Variants in SCD5 observed in about 807,000 individuals in gnomAD.
SCD5 encodes acyl-CoA-desaturase 4.
A neutral mutation model predicts 30.4 loss-of-function variants in SCD5; 20 were observed. The observed-to-expected ratio is 0.66, with a 90% CI of 0.46 to 0.96. The LOEUF is 0.96. SCD5 is among the 40% of genes least tolerant of loss of function. The pLI, the probability that SCD5 is intolerant of heterozygous loss-of-function variation, is 0.00. For missense variants in SCD5, 381 were observed against 443.3 expected, an observed-to-expected ratio of 0.86 and a Z score of 1.26; for synonymous variants, 173 against 176.4, an observed-to-expected ratio of 0.98 and a Z score of 0.16.
At position 82,654,718 on chromosome 4, in the gene SCD5, A is replaced by G. The variant is rs1195264949; in HGVS notation, c.570-17895T>C. Among the ~76,000 whole-genome samples, 3 of 152,176 alleles carry G rather than the reference A, an allele frequency of 2.0e-5. No individual in the cohort carries two copies. In the East Asian group the frequency reaches 5.8e-4, roughly 29 times the overall value. ...AGGTGGCTCCCAGTGGCACTCTGCA[A>G]CTTGTCTGGTCAATGTGATACTTCC... On this transcript the variant is annotated intron_variant, in intron 3 of 4. Coordinates refer to ENST00000319540, the MANE Select transcript of SCD5 (RefSeq NM_001037582.3).
chr4:82,771,121 C>T (rs564360599), intron 1 of SCD5, among the ~76,000 whole-genome samples: 1 of 152,152 alleles, frequency 6.6e-6, no homozygotes, highest in Non-Finnish European at 1.5e-5. Context: ...TGCGCACCAC[C>T]ATGCCTGGCT....
chr4:82,713,822 T>C (rs28608069), intron 1 of SCD5, among the ~76,000 whole-genome samples: 59,412 of 152,014 alleles, frequency 0.39, 12,240 homozygotes, highest in African/African-American at 0.51. Flanking sequence ...CTCCTAGACA[T>C]TGACCTCATA....
chr4:82,717,540 A>G (rs761429167), intron 1 of SCD5, among the ~76,000 whole-genome samples: 2 of 151,828 alleles, frequency 1.3e-5, no homozygotes, highest in Non-Finnish European at 2.9e-5. Context: ...TTAGAGGAAG[A>G]TGTGCATACA....
rs1384615578 is a variant in SCD5 at position 82,736,407 on chromosome 4, G to T, written c.233-30994C>A. On this transcript the variant is annotated intron_variant, in intron 1 of 4. Transcript: ENST00000319540. The stretch of plus-strand genomic sequence containing the variant: ...GTGGATCAGCCGAGGTCAGGAGTTC[G>T]AGACCAGCCTGGCCAACATGGTGAA... Among the ~76,000 whole-genome samples the T allele has an allele frequency of 2.0e-5, 3 of 151,870 alleles. No individual in the cohort carries two copies. The East Asian group carries it at 5.8e-4, about 29-fold the overall frequency.
At chr4:82,779,351 C>T (rs1721820922) in intron 1 of SCD5, among the ~76,000 whole-genome samples, 1 of 152,178 alleles carries the variant, frequency 6.6e-6, no homozygotes, top group Non-Finnish European at 1.5e-5. Context: ...CCAAGGACAG[C>T]ATGCAGCCTC....
intron 1 of SCD5, among the ~76,000 whole-genome samples, chr4:82,767,481 A>T (rs1055170946): frequency 1.3e-5 from 2 of 152,090 alleles, no homozygotes; most frequent in Non-Finnish European, 2.9e-5. Context: ...CCTTGTTTGC[A>T]TCTCCTTTCT....
At chr4:82,700,529 A>T (rs1225521975) in intron 2 of SCD5, among the ~76,000 whole-genome samples, 1 of 152,170 alleles carries the variant, frequency 6.6e-6, no homozygotes, top group Non-Finnish European at 1.5e-5. Flanking sequence ...GCAAGCAAGA[A>T]GAGAGTGAAA....
chr4:82,730,585 CTTT>C (rs397935360), intron 1 of SCD5, among the ~76,000 whole-genome samples: 1 of 114,660 alleles, frequency 8.7e-6, no homozygotes, highest in African/African-American at 3.6e-5. Context: ...TTTTTCCCTT[CTTT>C]TTTTTTTTTT....
rs6841081 is a variant in SCD5, at chr4:82,798,791, C to A, written c.-254G>T. On this transcript the variant is annotated 5_prime_UTR_variant, in exon 1 of 5. Coordinates refer to ENST00000319540, the MANE Select transcript of SCD5 (RefSeq NM_001037582.3). The stretch of plus-strand genomic sequence containing the variant: ...TATGGCTGCCCGGGCTGAACTCGGC[C>A]GCGAGAAAGAGGAGGCGCGCGCGGG... 13,297 of 425,022 alleles carry A rather than the reference C, an allele frequency of 0.031. 780 individuals carry two copies. The highest frequency in any genetic ancestry group is 0.17 in the African/African-American group (8,229 of 47,712). 26.3% of individuals were successfully genotyped at this position (425,022 alleles called of 1,614,324 possible).
At chr4:82,644,819 C>T (rs763297697) in intron 3 of SCD5, among the ~76,000 whole-genome samples, 2 of 152,190 alleles carry the variant, frequency 1.3e-5, no homozygotes, top group Non-Finnish European at 2.9e-5. Flanking sequence ...TTTCTACCCC[C>T]AGTTTAAATG....
Position 82,790,433 on chromosome 4 carries a change from C to A in SCD5, c.232+7873G>T, listed in dbSNP as rs540121915. Reference sequence around the variant, plus strand: ...ACCAGCCACGCTGAACAATTGAGTTCTTGAGCTGCCCTGCCCTGTCTCTCT... The same window carrying A: ...ACCAGCCACGCTGAACAATTGAGTTATTGAGCTGCCCTGCCCTGTCTCTCT... On this transcript the variant is annotated intron_variant, in intron 1 of 4. Coordinates refer to ENST00000319540, the MANE Select transcript of SCD5 (RefSeq NM_001037582.3). Among the ~76,000 whole-genome samples the A allele has an allele frequency of 2.6e-5, 4 of 152,290 alleles. No individual in the cohort carries two copies. The East Asian group carries it at 7.7e-4, about 29-fold the overall frequency.
intron 1 of SCD5, among the ~76,000 whole-genome samples, chr4:82,778,075 G>A (rs1180989365): frequency 6.6e-6 from 1 of 152,132 alleles, no homozygotes; most frequent in Non-Finnish European, 1.5e-5. Flanking sequence ...CAGGGACATG[G>A]ATGAAGCTGG....
chr4:82,676,772 G>A (rs1458078486), intron 3 of SCD5, among the ~76,000 whole-genome samples: 2 of 152,242 alleles, frequency 1.3e-5, no homozygotes, highest in Non-Finnish European at 2.9e-5. Context: ...ACCTAGGACA[G>A]GGGCCCTAGT....
At chr4:82,759,583 G>A (rs1027232360) in intron 1 of SCD5, among the ~76,000 whole-genome samples, 1 of 150,620 alleles carries the variant, frequency 6.6e-6, no homozygotes, top group African/African-American at 2.5e-5. Flanking sequence ...AGGAGCTAAG[G>A]CAGGCAGACC....
chr4:82,682,396 A>G (rs550761724), intron 2 of SCD5, among the ~76,000 whole-genome samples: 1 of 151,918 alleles, frequency 6.6e-6, no homozygotes, highest in Non-Finnish European at 1.5e-5. Context: ...TTTTTACACT[A>G]ATTTTTTTTT....
At chr4:82,775,608 T>G (rs538302270) in intron 1 of SCD5, 1 of 152,234 alleles carries the variant, frequency 6.6e-6, no homozygotes, top group Non-Finnish European at 1.5e-5. Context: ...TGTCTATAAT[T>G]CCAGCAGTTT....
chr4:82,781,170 T>C (rs1450824605), intron 1 of SCD5, among the ~76,000 whole-genome samples: 1 of 152,098 alleles, frequency 6.6e-6, no homozygotes, highest in Non-Finnish European at 1.5e-5. Flanking sequence ...ATCCTAGCAC[T>C]TTGGGAGGCC....
intron 1 of SCD5, among the ~76,000 whole-genome samples, chr4:82,774,269 T>C (rs750058516): frequency 6.6e-6 from 1 of 151,460 alleles, no homozygotes; most frequent in Admixed American, 6.6e-5. Flanking sequence ...GTTAAGTACA[T>C]CTAAACGTTG....
At chr4:82,682,789 C>T (rs2148821951) in intron 2 of SCD5, among the ~76,000 whole-genome samples, 1 of 152,282 alleles carries the variant, frequency 6.6e-6, no homozygotes, top group Middle Eastern at 3.4e-3. Flanking sequence ...GCTGGGACTA[C>T]AGGTGTATGC....
Sources: allele counts gnomAD v4.1 joint callset (sites outside exome capture counted in the v4.1 genomes callset), GRCh38; gene constraint gnomAD v4.1.1; transcripts MANE v1.5; gene names NCBI Gene and HGNC (gene_info 2026-07-23, HGNC 2026-07-21).